Variants in MYO1E observed in about 807,000 individuals in gnomAD.
MYO1E encodes myosin IE, also known as unconventional myosin-Ie.
MYO1E carries 68 observed loss-of-function variants against 151.1 expected under a neutral mutation model. The observed-to-expected ratio is 0.45, with a 90% CI of 0.37 to 0.55. MYO1E has a LOEUF of 0.55. Among genes scored for constraint, MYO1E ranks in the 20% least tolerant of loss-of-function variants. The pLI, the probability that MYO1E is intolerant of heterozygous loss-of-function variation, is 0.00. For missense variants in MYO1E, 1,363 were observed against 1,389.3 expected (o/e 0.98, Z 0.30); for synonymous variants, 601 against 501.7 (o/e 1.20, Z -2.64).
intron 1 of MYO1E, among the ~76,000 whole-genome samples, chr15:59,347,021 T>C (rs2080797908): frequency 6.6e-6 from 1 of 151,762 alleles, no homozygotes; most frequent in Non-Finnish European, 1.5e-5. Context: ...ACCATGTCTG[T>C]GGGTATAAGG....
chr15:59,261,655 C>T (rs1368534339), intron 2 of MYO1E, 146 bp from the exon 3 acceptor site: 8 of 634,900 alleles, frequency 1.3e-5, no homozygotes, highest in Middle Eastern at 4.2e-4. Context: ...CAAGTAAAGA[C>T]GAAAGCAATC....
chr15:59,327,372 G>A (rs1183686010), intron 1 of MYO1E, among the ~76,000 whole-genome samples: 1 of 151,328 alleles, frequency 6.6e-6, no homozygotes. Context: ...TATCACCCAG[G>A]CTGGAGTGCA....
At chr15:59,165,921 C>A (rs769184965) in intron 22 of MYO1E, among the ~76,000 whole-genome samples, 2 of 152,218 alleles carry the variant, frequency 1.3e-5, no homozygotes, top group African/African-American at 4.8e-5. Flanking sequence ...CATGTCTGGT[C>A]ATGCCTGGTG....
intron 1 of MYO1E, among the ~76,000 whole-genome samples, chr15:59,332,875 T>C (rs2080706300): frequency 1.3e-5 from 2 of 152,130 alleles, no homozygotes; most frequent in African/African-American, 2.4e-5. Flanking sequence ...GGGATTCTAT[T>C]GGATGCAGCC....
At chr15:59,255,807 GC>G (rs2080191067) in intron 4 of MYO1E, among the ~76,000 whole-genome samples, 1 of 152,206 alleles carries the variant, frequency 6.6e-6, no homozygotes, top group South Asian at 2.1e-4. Flanking sequence ...ATGGCCTGCA[GC>G]CCACAGGTTG....
Position 59,142,920 on chromosome 15 carries a change from CAAAAAAAAAA to C in MYO1E, c.3081-4563_3081-4554del, listed in dbSNP as rs10717979. On this transcript the variant is annotated intron_variant, in intron 26 of 27. Coordinates refer to ENST00000288235, the MANE Select transcript of MYO1E (RefSeq NM_004998.4). The stretch of plus-strand genomic sequence containing the variant: ...AAACTCTAGCCAGGGTAATTAGGTG[CAAAAAAAAAA>C]AAAAAAAAAAAAGGCGTCTAGATTG... 2.9e-3 allele frequency among the ~76,000 whole-genome samples: 250 copies of C among 87,238 alleles called. 4 individuals are homozygous for C. The highest frequency in any genetic ancestry group is 9.9e-3 in the African/African-American group (237 of 23,888). 57.2% of individuals were successfully genotyped at this position (87,238 alleles called of 152,430 possible).
intron 4 of MYO1E, among the ~76,000 whole-genome samples, chr15:59,241,710 A>G (rs940050403): frequency 2.6e-5 from 4 of 152,046 alleles, no homozygotes; most frequent in African/African-American, 9.7e-5. Flanking sequence ...TCTCAAAAAT[A>G]AATAGATAAA....
At chr15:59,275,125 G>A (rs150953180) in intron 1 of MYO1E, among the ~76,000 whole-genome samples, 236 of 152,246 alleles carry the variant, frequency 1.6e-3, no homozygotes, top group Admixed American at 3.2e-3. Context: ...CCGAAGATTC[G>A]ATGACTATGG....
At position 59,195,507 on chromosome 15, in the gene MYO1E, T is replaced by A; in HGVS notation, c.1759A>T (p.Ile587Phe). The A allele has an allele frequency of 6.2e-7, 1 of 1,614,192 alleles. No homozygotes were observed. The highest frequency in any genetic ancestry group is 8.5e-7 in the Non-Finnish European group (1 of 1,180,028). ...GGCTTCTTGGTTTCGTTTGGCTTGA[T>A]GCAGCGAATGTAGTGGGGCGTACAT... ...MKCTPHYIRC[I>F]KPNETKKPRD... Residue 587 changes from isoleucine to phenylalanine, a missense_variant, in exon 17 of 28, where the codon ATC becomes TTC. Physicochemically the swap from Ile to Phe is conservative, Grantham distance 21. Transcript: ENST00000288235.
intron 1 of MYO1E, among the ~76,000 whole-genome samples, chr15:59,353,555 A>G (rs1347436651): frequency 6.6e-6 from 1 of 151,672 alleles, no homozygotes; most frequent in African/African-American, 2.4e-5. Flanking sequence ...TCAGGAGTTC[A>G]AGACCATCTG....
intron 1 of MYO1E, among the ~76,000 whole-genome samples, chr15:59,294,487 G>A (rs1402939198): frequency 6.6e-6 from 1 of 152,278 alleles, no homozygotes; most frequent in Admixed American, 6.5e-5. Flanking sequence ...AAACAGCTTT[G>A]GATAGTGAGA....
chr15:59,189,395 C>G (rs957717997), intron 17 of MYO1E, among the ~76,000 whole-genome samples: 2 of 152,056 alleles, frequency 1.3e-5, no homozygotes, highest in South Asian at 4.2e-4. Flanking sequence ...TTTCCCTTCC[C>G]TTTTCTTTCT....
intron 1 of MYO1E, among the ~76,000 whole-genome samples, chr15:59,372,204 C>T (rs545574773): frequency 6.6e-6 from 1 of 152,180 alleles, no homozygotes; most frequent in Non-Finnish European, 1.5e-5. Flanking sequence ...CCCCTCGCAG[C>T]CGATGCGCCC....
chr15:59,275,306 G>C (rs2080311817), intron 1 of MYO1E, among the ~76,000 whole-genome samples: 1 of 152,096 alleles, frequency 6.6e-6, no homozygotes, highest in Non-Finnish European at 1.5e-5. Flanking sequence ...CTTAGCATTA[G>C]AGACTAAAAC....
intron 4 of MYO1E, among the ~76,000 whole-genome samples, chr15:59,252,960 T>C (rs1439354773): frequency 6.6e-6 from 1 of 152,026 alleles, no homozygotes; most frequent in Non-Finnish European, 1.5e-5. Context: ...ACGCAGGAAA[T>C]ATACAAGATG....
chr15:59,367,714 A>C (rs927155054), intron 1 of MYO1E, among the ~76,000 whole-genome samples: 1 of 152,252 alleles, frequency 6.6e-6, no homozygotes, highest in Non-Finnish European at 1.5e-5. Flanking sequence ...GTGAATGAGA[A>C]GAATCACTGT....
intron 14 of MYO1E, chr15:59,207,089 T>C (rs2079841100): frequency 1.9e-6 from 3 of 1,614,222 alleles, no homozygotes; most frequent in Non-Finnish European, 2.5e-6. Flanking sequence ...GTGAGCAAGA[T>C]GGCGACTGTG....
intron 1 of MYO1E, among the ~76,000 whole-genome samples, chr15:59,326,892 C>T (rs2080668173): frequency 6.6e-6 from 1 of 152,154 alleles, no homozygotes; most frequent in South Asian, 2.1e-4. Flanking sequence ...AGACCTGCCC[C>T]CTGCCCCCGA....
At chr15:59,228,039 T>C (rs972428883) in intron 6 of MYO1E, among the ~76,000 whole-genome samples, 2 of 152,200 alleles carry the variant, frequency 1.3e-5, no homozygotes, top group Admixed American at 6.5e-5. Context: ...AAACACTTTA[T>C]TAAAAGTAAA....
Sources: gnomAD v4.1 joint callset for allele counts (sites outside exome capture counted in the v4.1 genomes callset) on GRCh38, gnomAD v4.1.1 for gene constraint, MANE v1.5 for transcripts, NCBI Gene and HGNC (gene_info 2026-07-23, HGNC 2026-07-21) for gene names.